The following DYNLT3 variants were observed in gnomAD, a reference collection of about 807,000 sequenced individuals.
DYNLT3 encodes the protein dynein light chain Tctex-type 3.
Under a neutral mutation model 11.0 loss-of-function variants are expected in DYNLT3, and 4 were observed. The ratio of observed to expected loss-of-function variants is 0.36; its 90% CI spans 0.18 to 0.83. The LOEUF is 0.83. Ranked by LOEUF, DYNLT3 falls within the 40% of genes least tolerant of loss-of-function variation. DYNLT3 has a pLI of 0.47. For missense variants in DYNLT3, 91 were observed against 91.1 expected, an observed-to-expected ratio of 1.00 and a Z score of 0.01; for synonymous variants, 37 against 31.2, an observed-to-expected ratio of 1.18 and a Z score of -0.61.
At chrX:37,847,233 A>T (rs1930282811) in intron 1 of DYNLT3, 1 of 982,381 alleles carries the variant, frequency 1.0e-6, no homozygotes, top group African/African-American at 2.0e-5. Flanking sequence ...CGTCCTCCCA[A>T]CCCTGCCCCG....
chrX:37,846,901 C>G lies in DYNLT3; in HGVS notation c.31-543G>C. 4 of 845,101 alleles carry G rather than the reference C, an allele frequency of 4.7e-6. No homozygotes were observed. The South Asian group carries it at 8.9e-5, about 19-fold the overall frequency. 69.6% of individuals were successfully genotyped at this position (845,101 alleles called of 1,213,427 possible). On this transcript the variant is annotated intron_variant, in intron 1 of 4. Coordinates refer to ENST00000378578, the MANE Select transcript of DYNLT3 (RefSeq NM_006520.3). ...CTATAAAGTGGTCTGACAACTTAGT[C>G]TTTTCTTTGGAGTCCCCATCAATAA...
chrX:37,842,106 G>T (rs946996226), intron 2 of DYNLT3, among the ~76,000 whole-genome samples: 8 of 111,467 alleles, frequency 7.2e-5, no homozygotes, highest in African/African-American at 2.6e-4. Flanking sequence ...GTTTCCACTT[G>T]CATTATCTCA....
At chrX:37,842,835 G>A (rs751224786) in intron 2 of DYNLT3, among the ~76,000 whole-genome samples, 1 of 111,992 alleles carries the variant, frequency 8.9e-6, no homozygotes, top group South Asian at 3.7e-4. Context: ...TTATCATATT[G>A]CTGCTGTTAT....
chrX:37,847,326 C>T (rs913441423), intron 1 of DYNLT3, 155 bp downstream of exon 1: 3 of 890,166 alleles, frequency 3.4e-6, no homozygotes, highest in African/African-American at 2.1e-5. Context: ...ACGGGTCGGG[C>T]GGGGCGGATC....
At chrX:37,847,400 C>A in intron 1 of DYNLT3, 81 bp downstream of exon 1, 1 of 994,796 alleles carries the variant, frequency 1.0e-6, no homozygotes, top group East Asian at 4.0e-5. Flanking sequence ...GGACCGCCCT[C>A]GCTGGGAGAC....
intron 3 of DYNLT3, 35 bp from the exon 4 acceptor site, chrX:37,841,140 G>C: frequency 8.6e-7 from 1 of 1,159,519 alleles, no homozygotes; most frequent in African/African-American, 1.8e-5. Context: ...GGCACTTACA[G>C]ACAAAGGAAA....
intron 1 of DYNLT3, chrX:37,847,090 T>C (rs746751718): frequency 3.4e-6 from 4 of 1,163,172 alleles, no homozygotes; most frequent in South Asian, 1.9e-5. Context: ...CTCCGAGCCA[T>C]GGGGGCTGCA....
chrX:37,840,761 C>CACAA, intron 4 of DYNLT3, 110 bp from the exon 5 acceptor site: 1 of 302,510 alleles, frequency 3.3e-6, no homozygotes. Context: ...TACACACACA[C>CACAA]ACACACACAC....
At chrX:37,846,486 C>A in intron 1 of DYNLT3, 128 bp from the exon 2 acceptor site, 1 of 573,117 alleles carries the variant, frequency 1.7e-6, no homozygotes, top group Non-Finnish European at 2.7e-6. Context: ...CAGAAGGGGC[C>A]AATCTTGCCC....
At chrX:37,840,738 A>T (rs1451570194) in intron 4 of DYNLT3, 87 bp from the exon 5 acceptor site, 5 of 534,812 alleles carry the variant, frequency 9.3e-6, no homozygotes, top group Non-Finnish European at 8.7e-6. Context: ...ACACACACAC[A>T]CACACACACA....
At chrX:37,843,890 C>T (rs1038340745) in intron 2 of DYNLT3, among the ~76,000 whole-genome samples, 7 of 111,321 alleles carry the variant, frequency 6.3e-5, no homozygotes, top group African/African-American at 2.3e-4. Context: ...AAATGTTGCT[C>T]ATTCTCAGGC....
At chrX:37,841,520 G>T (rs928344427) in intron 3 of DYNLT3, among the ~76,000 whole-genome samples, 10 of 111,235 alleles carry the variant, frequency 9.0e-5, no homozygotes, top group African/African-American at 2.3e-4. Flanking sequence ...GCTAAGGGGG[G>T]GTCTCAGTGG....
Position 37,846,149 on chromosome X carries a change from T to C in DYNLT3, c.72+168A>G, listed in dbSNP as rs573192024. Among the ~76,000 whole-genome samples the C allele has an allele frequency of 2.8e-4, 31 of 112,154 alleles. No homozygotes were observed. The Admixed American group carries it at 2.8e-3, about 10-fold the overall frequency. On this transcript the variant is annotated intron_variant, in intron 2 of 4. Transcript: ENST00000378578. Reference sequence around the variant, plus strand: ...TCACACCACTGTTCTCCAGCATGGGTGACAGAGCGAGACTCCATCTCAAAA... The same window carrying C: ...TCACACCACTGTTCTCCAGCATGGGCGACAGAGCGAGACTCCATCTCAAAA...
rs1930091202 is a variant in DYNLT3, at chrX:37,838,883, C to G, written c.*1692G>C. The G allele has an allele frequency of 9.0e-6, 1 of 111,477 alleles. No homozygotes were observed. Among genetic ancestry groups the G allele is most frequent in the Admixed American group, 9.6e-5 (1 of 10,430 alleles). 9.2% of individuals were successfully genotyped at this position (111,477 alleles called of 1,213,427 possible). A position where few individuals can be genotyped will look rare whatever the true frequency, so the allele number is the denominator to read the frequency against. On this transcript the variant is annotated 3_prime_UTR_variant, in exon 5 of 5. Coordinates refer to ENST00000378578, the MANE Select transcript of DYNLT3 (RefSeq NM_006520.3). ...TATTATATTTTAACTAGAAACAGAGCAGATAGCAAGTTCACCAGGTAAAAA... is the reference window on the plus strand; with the variant it reads ...TATTATATTTTAACTAGAAACAGAGGAGATAGCAAGTTCACCAGGTAAAAA...
chrX:37,840,974 A>G lies in DYNLT3; in HGVS notation c.274+54T>C, dbSNP rs188658414. 282 of 1,118,308 alleles carry G rather than the reference A, an allele frequency of 2.5e-4. 1 individual carries two copies. The highest frequency in any genetic ancestry group is 1.4e-3 in the African/African-American group (75 of 55,311). 92.2% of individuals were successfully genotyped at this position (1,118,308 alleles called of 1,213,427 possible). A position where few individuals can be genotyped will look rare whatever the true frequency, so the allele number is the denominator to read the frequency against. On this transcript the variant is annotated intron_variant, in intron 4 of 4. Transcript: ENST00000378578. ...AAATAAGTACTTGGTTAAAAAGTGC[A>G]GTTTGACTTTGCTAAAAGTTGGATT...
At position 37,839,729 on chromosome X, in the gene DYNLT3, ATAT is replaced by A. The variant is rs908685150; in HGVS notation, c.*843_*845del. ...CAACTACTTTCTTTTCCTTCCCCAAATATTAATACGTCTTCCAACTGAACAATT... is the reference window on the plus strand; with the variant it reads ...CAACTACTTTCTTTTCCTTCCCCAAATAATACGTCTTCCAACTGAACAATT... On this transcript the variant is annotated 3_prime_UTR_variant, in exon 5 of 5. Transcript: ENST00000378578. 6.2e-5 allele frequency: 7 copies of A among 112,479 alleles called. No individual in the cohort carries two copies. The highest frequency in any genetic ancestry group is 2.3e-4 in the African/African-American group (7 of 30,915). The allele number at this position is 112,479 out of a possible 1,213,427, so 9.3% of individuals were successfully genotyped here.
intron 3 of DYNLT3, among the ~76,000 whole-genome samples, 176 bp from the exon 4 acceptor site, chrX:37,841,281 C>T (rs1485352719): frequency 8.9e-6 from 1 of 112,204 alleles, no homozygotes; most frequent in Non-Finnish European, 1.9e-5. Flanking sequence ...AAAAGACTCT[C>T]ATCTTTATCT....
chrX:37,844,975 T>C (rs1930239709), intron 2 of DYNLT3, among the ~76,000 whole-genome samples: 1 of 112,259 alleles, frequency 8.9e-6, no homozygotes, highest in African/African-American at 3.2e-5. Flanking sequence ...TTTTTTCTTT[T>C]CATTTGGTTC....
Position 37,840,891 on chromosome X carries a change from C to T in DYNLT3, c.274+137G>A, listed in dbSNP as rs183607230. ...CATTTCATATCGGTCTGAAGGTATA[C>T]TTGTTACTAGGTACAAAGCAATACT... On this transcript the variant is annotated intron_variant, in intron 4 of 4. Coordinates refer to ENST00000378578, the MANE Select transcript of DYNLT3 (RefSeq NM_006520.3). 3.8e-3 allele frequency: 2,417 copies of T among 639,183 alleles called. 7 individuals are homozygous for T. Among genetic ancestry groups the T allele is most frequent in the South Asian group, 9.1e-3 (274 of 30,185 alleles). 52.7% of individuals were successfully genotyped at this position (639,183 alleles called of 1,213,427 possible). A position where few individuals can be genotyped will look rare whatever the true frequency, so the allele number is the denominator to read the frequency against.
Sources: allele counts gnomAD v4.1 joint callset (sites outside exome capture counted in the v4.1 genomes callset), GRCh38; gene constraint gnomAD v4.1.1; transcripts MANE v1.5; gene names NCBI Gene and HGNC (gene_info 2026-07-23, HGNC 2026-07-21).